Variants in EYA1 observed in about 807,000 individuals in gnomAD.
EYA1 encodes EYA transcriptional coactivator and phosphatase 1, also known as protein phosphatase EYA1.
Under a neutral mutation model 82.0 loss-of-function variants are expected in EYA1, and 16 were observed. The ratio of observed to expected loss-of-function variants is 0.20; its 90% CI spans 0.13 to 0.30. The LOEUF (loss-of-function observed/expected upper bound fraction) is 0.30, where lower values mean the gene tolerates loss of function less well. EYA1 is among the 10% of genes least tolerant of loss of function. The pLI is 1.00. For missense variants in EYA1, 633 were observed against 730.7 expected (o/e 0.87, Z 1.54); for synonymous variants, 261 against 264.4 (o/e 0.99, Z 0.12).
intron 2 of EYA1, among the ~76,000 whole-genome samples, chr8:71,371,858 GA>G: frequency 6.6e-6 from 1 of 151,836 alleles, no homozygotes; most frequent in Non-Finnish European, 1.5e-5. Context: ...AAGATCACAG[GA>G]AAATAAAACT....
At chr8:71,239,513 T>C (rs1429239546) in intron 12 of EYA1, among the ~76,000 whole-genome samples, 1 of 152,204 alleles carries the variant, frequency 6.6e-6, no homozygotes, top group Non-Finnish European at 1.5e-5. Flanking sequence ...AAAAATGTGG[T>C]CCTTTATGTT....
Position 71,324,607 on chromosome 8 carries a change from T to C in EYA1, c.203-2339A>G, listed in dbSNP as rs960593755. Among the ~76,000 whole-genome samples the C allele has an allele frequency of 5.3e-5, 8 of 152,292 alleles. No individual in the cohort carries two copies. The East Asian group carries it at 1.5e-3, about 29-fold the overall frequency. ...CATCACCATCTGTCCCACAAAATAC[T>C]TCAAGGTTGGATTTTCTGTTTCCAT... On this transcript the variant is annotated intron_variant, in intron 4 of 17. Coordinates refer to ENST00000340726, the MANE Select transcript of EYA1 (RefSeq NM_000503.6).
intron 12 of EYA1, among the ~76,000 whole-genome samples, chr8:71,217,838 C>G (rs1263641194): frequency 6.6e-6 from 1 of 152,238 alleles, no homozygotes; most frequent in Admixed American, 6.5e-5. Flanking sequence ...GCCATGCTTA[C>G]AGGCTAAAGC....
intron 2 of EYA1, among the ~76,000 whole-genome samples, chr8:71,421,834 C>G (rs1831164690): frequency 6.6e-6 from 1 of 152,166 alleles, no homozygotes; most frequent in African/African-American, 2.4e-5. Flanking sequence ...GCTGCCACTG[C>G]ACCTGCAAAA....
rs181100264 is a variant in EYA1 at position 71,399,187 on chromosome 8, G to A, written c.34-42676C>T. ...GGAGTGTCCTGATTTTCCCGGTACC[G>A]TCTGTCACGGCTTCCCTTTGCTAGG... On this transcript the variant is annotated intron_variant, in intron 2 of 18. Coordinates refer to the EYA1 transcript ENST00000643681. Among the ~76,000 whole-genome samples the A allele has an allele frequency of 2.0e-3, 310 of 152,234 alleles. 1 individual carries two copies. Among genetic ancestry groups the A allele is most frequent in the African/African-American group, 6.6e-3 (275 of 41,548 alleles).
At chr8:71,347,512 C>T (rs866652340) in intron 3 of EYA1, among the ~76,000 whole-genome samples, 114 of 151,978 alleles carry the variant, frequency 7.5e-4, no homozygotes, top group African/African-American at 2.5e-3. Context: ...TTAGTAGAGA[C>T]GGGGTTTCAC....
intron 9 of EYA1, among the ~76,000 whole-genome samples, chr8:71,283,938 A>C (rs1258838200): frequency 2.6e-5 from 4 of 152,218 alleles, no homozygotes; most frequent in African/African-American, 9.6e-5. Flanking sequence ...AAGTTAATCA[A>C]AATAAAGGTC....
At chr8:71,475,818 G>T (rs1234235903) in intron 2 of EYA1, among the ~76,000 whole-genome samples, 1 of 152,086 alleles carries the variant, frequency 6.6e-6, no homozygotes, top group Non-Finnish European at 1.5e-5. Flanking sequence ...AGTCAATCCT[G>T]AAATGGAACC....
intron 1 of EYA1, among the ~76,000 whole-genome samples, chr8:71,541,634 T>G (rs1332596693): frequency 3.9e-5 from 6 of 152,218 alleles, no homozygotes; most frequent in Non-Finnish European, 8.8e-5. Flanking sequence ...GACAATTGAT[T>G]ATGATTGATG....
chr8:71,283,720 T>C (rs1458355850), intron 9 of EYA1, among the ~76,000 whole-genome samples: 1 of 152,090 alleles, frequency 6.6e-6, no homozygotes, highest in Non-Finnish European at 1.5e-5. Context: ...TCAAACACAC[T>C]TGGTTCACTA....
rs1395836603 is a variant in EYA1, at chr8:71,299,030, A to G, written c.826+17T>C. 1 of 1,607,964 alleles carries G rather than the reference A, an allele frequency of 6.2e-7. No homozygotes were observed. Among genetic ancestry groups the G allele is most frequent in the East Asian group, 2.2e-5 (1 of 44,860 alleles). ...TGAAAATATCACCTGCAGGACTAAT[A>G]ATATTCACATAATTACCTGCTGTGG... On this transcript the variant is annotated intron_variant, in intron 9 of 17. Transcript: ENST00000340726.
chr8:71,499,652 T>C lies in EYA1; in HGVS notation c.33+36092A>G, dbSNP rs145268467. ...GGGTTGAAAACTATAGAAAGCTCAA[T>C]AAATTATTTAAATACAGTGTGACAT... On this transcript the variant is annotated intron_variant, in intron 2 of 18. Coordinates refer to the EYA1 transcript ENST00000643681. 1.6e-4 allele frequency among the ~76,000 whole-genome samples: 25 copies of C among 152,328 alleles called. No individual in the cohort carries two copies. The East Asian group carries it at 4.8e-3, about 29-fold the overall frequency.
intron 3 of EYA1, among the ~76,000 whole-genome samples, chr8:71,348,498 A>G (rs1337050987): frequency 6.6e-6 from 1 of 152,214 alleles, no homozygotes; most frequent in Non-Finnish European, 1.5e-5. Flanking sequence ...ACTATTAGCA[A>G]TTGGAAGTAG....
intron 2 of EYA1, among the ~76,000 whole-genome samples, chr8:71,473,051 C>T (rs892250196): frequency 3.3e-5 from 5 of 151,766 alleles, no homozygotes; most frequent in Non-Finnish European, 7.4e-5. Flanking sequence ...TAATGTCCAA[C>T]TCTAGCATGG....
intron 9 of EYA1, among the ~76,000 whole-genome samples, chr8:71,285,219 T>C (rs897575708): frequency 1.3e-5 from 2 of 152,246 alleles, no homozygotes; most frequent in African/African-American, 4.8e-5. Context: ...TTAAGAAATA[T>C]ATCTCAAGAG....
exon 1 of EYA1, chr8:71,547,915 CA>C (rs1338306256): frequency 6.6e-6 from 1 of 152,076 alleles, no homozygotes; most frequent in Non-Finnish European, 1.5e-5. Flanking sequence ...CTTCCAAAAG[CA>C]AACCGAAAAT....
intron 2 of EYA1, among the ~76,000 whole-genome samples, chr8:71,399,666 T>C (rs1829839762): frequency 6.6e-6 from 1 of 152,144 alleles, no homozygotes. Context: ...TGGAATAACA[T>C]TCCATGTTCA....
intron 3 of EYA1, among the ~76,000 whole-genome samples, chr8:71,351,820 G>A (rs1325299349): frequency 2.0e-5 from 3 of 152,156 alleles, no homozygotes; most frequent in South Asian, 4.1e-4. Flanking sequence ...TGATACAGGA[G>A]ATTTTCTTGT....
chr8:71,297,722 A>G (rs1819745440), intron 9 of EYA1, among the ~76,000 whole-genome samples: 1 of 152,164 alleles, frequency 6.6e-6, no homozygotes, highest in Non-Finnish European at 1.5e-5. Context: ...AATAAATTCA[A>G]TGCATTCTAT....
Sources: allele counts gnomAD v4.1 joint callset (sites outside exome capture counted in the v4.1 genomes callset), GRCh38; gene constraint gnomAD v4.1.1; transcripts MANE v1.5; gene names NCBI Gene and HGNC (gene_info 2026-07-23, HGNC 2026-07-21).